The following GPR139 variants were observed in gnomAD, a reference collection of about 807,000 sequenced individuals.
GPR139 encodes probable G protein-coupled receptor 139.
Under a neutral mutation model 25.8 loss-of-function variants are expected in GPR139, and 12 were observed. The observed-to-expected ratio is 0.47, with a 90% confidence interval of 0.30 to 0.75. The LOEUF is 0.75. Among genes scored for constraint, GPR139 ranks in the 30% least tolerant of loss-of-function variants. The probability of loss-of-function intolerance (pLI) is 0.07; values close to 1 mark genes in which losing one functional copy is unlikely to be tolerated. For synonymous variants in GPR139, 184 were observed against 179.9 expected (o/e 1.02, Z -0.18); for missense variants, 380 against 450.2 (o/e 0.84, Z 1.41).
chr16:20,050,393 G>A (rs1055767369), intron 1 of GPR139, among the ~76,000 whole-genome samples: 5 of 152,176 alleles, frequency 3.3e-5, no homozygotes, highest in Non-Finnish European at 7.3e-5. Context: ...TGCATTCTTT[G>A]CAGGGATGGG....
intron 1 of GPR139, among the ~76,000 whole-genome samples, chr16:20,047,412 G>C (rs1320869926): frequency 1.3e-5 from 2 of 152,192 alleles, no homozygotes; most frequent in East Asian, 3.9e-4. Context: ...AGCCCTTAGG[G>C]ATCATTTTTA....
intron 1 of GPR139, among the ~76,000 whole-genome samples, chr16:20,049,923 G>A (rs1184064563): frequency 6.6e-6 from 1 of 150,740 alleles, no homozygotes; most frequent in Non-Finnish European, 1.5e-5. Context: ...TAAGTGAGGA[G>A]CATTTTGCCT....
intron 1 of GPR139, among the ~76,000 whole-genome samples, chr16:20,037,267 C>T (rs1358966877): frequency 6.6e-6 from 1 of 152,000 alleles, no homozygotes; most frequent in South Asian, 2.1e-4. Flanking sequence ...GCCTGGCCAA[C>T]ATGGTGAAAC....
chr16:20,032,005 G>A lies in GPR139; in HGVS notation c.792C>T (p.His264=), dbSNP rs148508079. Residue 264 remains histidine, a synonymous_variant, in exon 2 of 2, where the codon CAC becomes CAT. Transcript: ENST00000570682. The stretch of plus-strand genomic sequence containing the variant: ...GCATGTTGGCAATGTCGGACATGAT[G>A]TGTACCAGCCAGCGGTTCTGGATGG... ...GAPIQNRWLV[H]IMSDIANMLA... 1.4e-4 allele frequency: 222 copies of A among 1,614,212 alleles called. No homozygotes were observed. The highest frequency in any genetic ancestry group is 1.2e-3 in the Admixed American group (73 of 60,034).
chr16:20,060,330 G>A lies in GPR139; in HGVS notation c.127+13160C>T, dbSNP rs574479372. Among the ~76,000 whole-genome samples the A allele has an allele frequency of 2.6e-5, 4 of 152,000 alleles. No individual in the cohort carries two copies. In the South Asian group the frequency reaches 8.3e-4, roughly 32 times the overall value. Reference sequence around the variant, plus strand: ...CTCTGTGTGTGGTGTGTATCTGCATGTATGTCTCTGTGTGTGCATCTCTAT... The same window carrying A: ...CTCTGTGTGTGGTGTGTATCTGCATATATGTCTCTGTGTGTGCATCTCTAT... On this transcript the variant is annotated intron_variant, in intron 1 of 1. Transcript: ENST00000570682.
At chr16:20,070,001 C>T (rs148746041) in intron 1 of GPR139, among the ~76,000 whole-genome samples, 1 of 152,270 alleles carries the variant, frequency 6.6e-6, no homozygotes, top group Non-Finnish European at 1.5e-5. Context: ...ATAGGTGGGA[C>T]ACCGATTTTC....
intron 1 of GPR139, among the ~76,000 whole-genome samples, chr16:20,067,804 CAAAAAA>C (rs35387821): frequency 1.5e-5 from 1 of 68,686 alleles, no homozygotes. Context: ...AACTCCATCT[CAAAAAA>C]AAAAAAAAAA....
At position 20,073,876 on chromosome 16, in the gene GPR139, C is replaced by T. The variant is rs1004049412; in HGVS notation, c.-260G>A. On this transcript the variant is annotated 5_prime_UTR_variant, in exon 1 of 2. Coordinates refer to ENST00000570682, the MANE Select transcript of GPR139 (RefSeq NM_001002911.4). The surrounding 1 kb of genome is among the most constrained non-coding windows in gnomAD (Gnocchi z 4.7). Reference sequence around the variant, plus strand: ...CTGCGCGGGGCCTCGGGAGGGGCTCCCGGAGCCCGTCTGTGCGCCTCCCAC... The same window carrying T: ...CTGCGCGGGGCCTCGGGAGGGGCTCTCGGAGCCCGTCTGTGCGCCTCCCAC... 2.4e-6 allele frequency: 1 copy of T among 419,922 alleles called. No individual in the cohort carries two copies. The highest frequency in any genetic ancestry group is 4.2e-6 in the Non-Finnish European group (1 of 238,780). 26.0% of individuals were successfully genotyped at this position (419,922 alleles called of 1,614,324 possible). A position where few individuals can be genotyped will look rare whatever the true frequency, so the allele number is the denominator to read the frequency against.
chr16:20,070,957 C>T (rs2057457531), intron 1 of GPR139: 2 of 985,556 alleles, frequency 2.0e-6, no homozygotes, highest in South Asian at 9.4e-5. Flanking sequence ...TCAGTCCCTC[C>T]TCTGGTCACT....
intron 1 of GPR139, 113 bp from the exon 2 acceptor site, chr16:20,032,782 G>A (rs1188825206): frequency 4.3e-6 from 3 of 690,296 alleles, no homozygotes; most frequent in Non-Finnish European, 7.4e-6. Flanking sequence ...GAAAATGATT[G>A]AATCAATGCT....
intron 1 of GPR139, among the ~76,000 whole-genome samples, chr16:20,062,182 A>T (rs1181937257): frequency 6.6e-6 from 1 of 152,202 alleles, no homozygotes; most frequent in Non-Finnish European, 1.5e-5. Flanking sequence ...ACTGCAAAGG[A>T]TTGAATGTGT....
chr16:20,072,301 C>T (rs2057462393), intron 1 of GPR139, among the ~76,000 whole-genome samples: 1 of 152,138 alleles, frequency 6.6e-6, no homozygotes, highest in Non-Finnish European at 1.5e-5. Flanking sequence ...GAAACAATCT[C>T]ATCAGGGGCC....
At position 20,029,204 on chromosome 16, in the gene GPR139, A is replaced by G. The variant is rs930886899; in HGVS notation, c.*2531T>C. ...TATATTCGGAGGAAAAGAGATCACA[A>G]TACCACGTGGTAGAGCCTCTATCAT... On this transcript the variant is annotated 3_prime_UTR_variant, in exon 2 of 2. Transcript: ENST00000570682. Among the ~76,000 whole-genome samples the G allele has an allele frequency of 6.6e-5, 10 of 152,130 alleles. No individual in the cohort carries two copies. The highest frequency in any genetic ancestry group is 2.2e-4 in the African/African-American group (9 of 41,426).
chr16:20,037,401 G>A (rs946044515), intron 1 of GPR139, among the ~76,000 whole-genome samples: 1 of 149,756 alleles, frequency 6.7e-6, no homozygotes. Flanking sequence ...ACAGTGAGCC[G>A]AGATCGTACC....
Position 20,032,444 on chromosome 16 carries a change from A to G in GPR139, c.353T>C (p.Ile118Thr). The stretch of plus-strand genomic sequence containing the variant: ...CCTGTCAATGGTTAACGGTACAGTA[A>G]TCCATATGGAGGTGTGGATGGATGA... ...EFSSIHTSIW[I>T]TVPLTIDRYI... Residue 118 changes from isoleucine to threonine, a missense_variant, in exon 2 of 2, where the codon ATT becomes ACT. By Grantham distance (89) the Ile-to-Thr change is moderately conservative. Coordinates refer to ENST00000570682, the MANE Select transcript of GPR139 (RefSeq NM_001002911.4). 8 of 1,614,166 alleles carry G rather than the reference A, an allele frequency of 5.0e-6. No homozygotes were observed. Among genetic ancestry groups the G allele is most frequent in the Non-Finnish European group, 6.8e-6 (8 of 1,180,022 alleles).
At position 20,028,681 on chromosome 16, in the gene GPR139, G is replaced by T. The variant is rs1383886255; in HGVS notation, c.*3054C>A. Among the ~76,000 whole-genome samples, 1 of 152,148 alleles carries T rather than the reference G, an allele frequency of 6.6e-6. No homozygotes were observed. Among genetic ancestry groups the T allele is most frequent in the Non-Finnish European group, 1.5e-5 (1 of 68,038 alleles). ...CCGGTCTGTCTTTTATGGTTTGTCT[G>T]TCATTCCCCTCATTTCCTTCCCCAT... On this transcript the variant is annotated 3_prime_UTR_variant, in exon 2 of 2. Coordinates refer to ENST00000570682, the MANE Select transcript of GPR139 (RefSeq NM_001002911.4).
At chr16:20,058,398 T>C (rs916897717) in intron 1 of GPR139, among the ~76,000 whole-genome samples, 39 of 151,898 alleles carry the variant, frequency 2.6e-4, no homozygotes, top group Non-Finnish European at 4.4e-5. Context: ...GGCGTGAACA[T>C]AGCAAACTCA....
chr16:20,049,428 C>T (rs2141207932), intron 1 of GPR139, among the ~76,000 whole-genome samples: 1 of 152,286 alleles, frequency 6.6e-6, no homozygotes, highest in African/African-American at 2.4e-5. Flanking sequence ...GCTATTGAAT[C>T]AAATTCCCCA....
chr16:20,036,224 G>A (rs1303023512), intron 1 of GPR139, among the ~76,000 whole-genome samples: 1 of 152,138 alleles, frequency 6.6e-6, no homozygotes, highest in Non-Finnish European at 1.5e-5. Context: ...AGAGCTTCAT[G>A]GAACCCAAGC....
Sources: allele counts gnomAD v4.1 joint callset (sites outside exome capture counted in the v4.1 genomes callset), GRCh38; gene constraint gnomAD v4.1.1; non-coding constraint Gnocchi (gnomAD v3.1); transcripts MANE v1.5; gene names NCBI Gene and HGNC (gene_info 2026-07-23, HGNC 2026-07-21).